ADAMTS17: variants seen among roughly 807,000 people sequenced by gnomAD.
ADAMTS17 encodes the protein ADAM metallopeptidase with thrombospondin type 1 motif 17, also known as A disintegrin and metalloproteinase with thrombospondin motifs 17.
A neutral mutation model predicts 141.5 loss-of-function variants in ADAMTS17; 113 were observed. That is an observed-to-expected ratio of 0.80 (90% CI 0.69 to 0.93). The LOEUF (loss-of-function observed/expected upper bound fraction) is 0.93. Ranked by LOEUF, ADAMTS17 falls within the 40% of genes least tolerant of loss-of-function variation. ADAMTS17 has a pLI of 0.00. For synonymous variants in ADAMTS17, 768 were observed against 630.6 expected (o/e 1.22, Z -3.27); for missense variants, 1,659 against 1,517.9 (o/e 1.09, Z -1.54).
chr15:99,979,862 A>G (rs1161097719), intron 20 of ADAMTS17: 2 of 152,258 alleles, frequency 1.3e-5, no homozygotes, highest in African/African-American at 2.4e-5. Context: ...AACTACATCA[A>G]TAAGTTACTT....
At chr15:100,108,876 G>A (rs575721283) in intron 14 of ADAMTS17, 113 bp downstream of exon 14, 2 of 1,579,184 alleles carry the variant, frequency 1.3e-6, no homozygotes, top group African/African-American at 1.3e-5. Context: ...GCCTTCCTAA[G>A]AAAATCCACT....
chr15:100,039,247 T>A (rs2031032925), intron 18 of ADAMTS17, among the ~76,000 whole-genome samples: 1 of 152,354 alleles, frequency 6.6e-6, no homozygotes, highest in East Asian at 1.9e-4. Context: ...ATTTCATTTA[T>A]TTCTGCATGA....
chr15:100,150,002 A>G (rs1321681447), intron 10 of ADAMTS17, among the ~76,000 whole-genome samples: 1 of 151,842 alleles, frequency 6.6e-6, no homozygotes, highest in African/African-American at 2.4e-5. Context: ...TCATTCCATC[A>G]CTCCCCTAAG....
Position 100,029,413 on chromosome 15 carries a change from A to G in ADAMTS17, c.2591+19444T>C, listed in dbSNP as rs1365465726. ...CAAACCTTCCTGCTTTGTAAGAAATAAAGTCAGGGTGATGAGTCCTTTCAT... is the reference window on the plus strand; with the variant it reads ...CAAACCTTCCTGCTTTGTAAGAAATGAAGTCAGGGTGATGAGTCCTTTCAT... On this transcript the variant is annotated intron_variant, in intron 18 of 21. Transcript: ENST00000268070. Among the ~76,000 whole-genome samples, 4 of 152,224 alleles carry G rather than the reference A, an allele frequency of 2.6e-5. No homozygotes were observed. The East Asian group carries it at 5.8e-4, about 22-fold the overall frequency.
chr15:100,205,343 C>G (rs889777462), intron 7 of ADAMTS17, among the ~76,000 whole-genome samples: 2 of 152,296 alleles, frequency 1.3e-5, no homozygotes, highest in African/African-American at 4.8e-5. Context: ...TTTATGCCAA[C>G]AGTTTGCTGC....
rs2043518718 is a variant in ADAMTS17, at chr15:100,261,585, GAC to G, written c.923_924del (p.Cys308SerfsTer16). The G allele has an allele frequency of 6.2e-7, 1 of 1,614,032 alleles. No homozygotes were observed. The highest frequency in any genetic ancestry group is 1.3e-5 in the African/African-American group (1 of 74,920). ...HHGERSLESFCHWQNEEYGGA... is the reference protein window; with the variant it reads ...HHGERSLESFXHWQNEEYGGA... ...CCTCCATACTCCTCGTTCTGCCAGT[GAC>G]AGAAGCTCTCCAGGGACCGCTCACC... On this transcript the variant is annotated frameshift_variant, in exon 6 of 22. Transcript: ENST00000268070. LOFTEE classifies it high-confidence loss of function.
chr15:100,178,112 A>C (rs1416332087), intron 8 of ADAMTS17, among the ~76,000 whole-genome samples: 2 of 152,142 alleles, frequency 1.3e-5, no homozygotes, highest in African/African-American at 4.8e-5. Flanking sequence ...TCACATTTTT[A>C]AATCCATTCT....
chr15:100,031,463 C>T (rs2030157419), intron 18 of ADAMTS17, among the ~76,000 whole-genome samples: 1 of 152,114 alleles, frequency 6.6e-6, no homozygotes, highest in Admixed American at 6.5e-5. Flanking sequence ...ATGGGTAGGA[C>T]ACAGCATGGG....
In ADAMTS17 at chr15:100,031,022, G is replaced by A. The variant is rs563466898; in HGVS notation, c.2591+17835C>T. ...GCTGGCGTTCACGGAGTGCTGACTC[G>A]GGGTGAAGGAATTTATAGGCATTAC... On this transcript the variant is annotated intron_variant, in intron 18 of 21. Transcript: ENST00000268070. Among the ~76,000 whole-genome samples, 56 of 152,264 alleles carry A rather than the reference G, an allele frequency of 3.7e-4. 1 individual carries two copies. The South Asian group carries it at 0.011, about 31-fold the overall frequency.
Position 100,341,145 on chromosome 15 carries a change from G to T in ADAMTS17, c.344C>A (p.Ala115Asp). The change falls in exon 2 of 22, where the codon GCC (alanine) becomes GAC (aspartate). Residue 115 changes from alanine to aspartate, a missense_variant. Transcript: ENST00000268070. ...RGFEVEEAGA[A>D]RRRGRPAELC... is the part of the protein sequence containing the mutation. ...CTCGGCGGGGCGGCCGCGGCGCCGG[G>T]CCGCGCCCGCCTCCTCCACCTCGAA... The T allele has an allele frequency of 6.9e-7, 1 of 1,444,666 alleles. No individual in the cohort carries two copies. Among genetic ancestry groups the T allele is most frequent in the East Asian group, 3.0e-5 (1 of 33,130 alleles). The allele number at this position is 1,444,666 out of a possible 1,614,324, so 89.5% of individuals were successfully genotyped here.
Position 100,094,026 on chromosome 15 carries a change from T to G in ADAMTS17, c.2137+2330A>C, listed in dbSNP as rs183227563. ...GCAAATGAGTACTGCAGGCAGATTTTCAATATATACAATCCACATGGATGT... is the reference window on the plus strand; with the variant it reads ...GCAAATGAGTACTGCAGGCAGATTTGCAATATATACAATCCACATGGATGT... On this transcript the variant is annotated intron_variant, in intron 15 of 21. Coordinates refer to ENST00000268070, the MANE Select transcript of ADAMTS17 (RefSeq NM_139057.4). 4.0e-4 allele frequency among the ~76,000 whole-genome samples: 61 copies of G among 151,906 alleles called. 1 individual carries two copies. Among genetic ancestry groups the G allele is most frequent in the Admixed American group, 4.0e-3 (61 of 15,220 alleles).
intron 13 of ADAMTS17, among the ~76,000 whole-genome samples, chr15:100,115,335 C>G (rs1425825212): frequency 1.3e-5 from 2 of 152,188 alleles, no homozygotes. Context: ...GCAGGTCTCC[C>G]CTCTCCCTCA....
At chr15:100,103,452 A>G (rs2036239496) in intron 14 of ADAMTS17, among the ~76,000 whole-genome samples, 1 of 152,174 alleles carries the variant, frequency 6.6e-6, no homozygotes, top group Admixed American at 6.5e-5. Flanking sequence ...CTCACAGATG[A>G]TCTTTGGACA....
At chr15:100,291,100 T>C (rs1291700752) in intron 3 of ADAMTS17, among the ~76,000 whole-genome samples, 4 of 152,198 alleles carry the variant, frequency 2.6e-5, no homozygotes, top group Admixed American at 6.5e-5. Flanking sequence ...TTGCAAACTA[T>C]GTATCTGACA....
intron 7 of ADAMTS17, among the ~76,000 whole-genome samples, chr15:100,213,327 G>A (rs1012332607): frequency 2.0e-5 from 3 of 152,120 alleles, no homozygotes; most frequent in African/African-American, 7.2e-5. Context: ...GTTGATAAGA[G>A]GAAAAACATG....
intron 3 of ADAMTS17, among the ~76,000 whole-genome samples, chr15:100,299,862 C>T (rs909893414): frequency 2.6e-5 from 4 of 152,156 alleles, no homozygotes; most frequent in Non-Finnish European, 5.9e-5. Flanking sequence ...GCACACCCTA[C>T]GGGGGCCTGA....
chr15:100,271,909 G>C (rs1054599314), intron 4 of ADAMTS17, among the ~76,000 whole-genome samples: 4 of 152,084 alleles, frequency 2.6e-5, no homozygotes, highest in Non-Finnish European at 5.9e-5. Context: ...GTTAGGTAAG[G>C]ATCCAACTTT....
chr15:100,049,303 T>C (rs561998990), intron 17 of ADAMTS17, among the ~76,000 whole-genome samples: 10 of 152,324 alleles, frequency 6.6e-5, no homozygotes, highest in Admixed American at 4.6e-4. Flanking sequence ...TTTCCAAAGA[T>C]TGCTCATCTT....
At chr15:100,110,023 C>T (rs1179645426) in intron 13 of ADAMTS17, among the ~76,000 whole-genome samples, 1 of 151,882 alleles carries the variant, frequency 6.6e-6, no homozygotes, top group African/African-American at 2.4e-5. Context: ...GGTCCCATCG[C>T]TAAAAGAGTG....
Sources: gnomAD v4.1 joint callset for allele counts (sites outside exome capture counted in the v4.1 genomes callset) on GRCh38, gnomAD v4.1.1 for gene constraint, MANE v1.5 for transcripts, NCBI Gene and HGNC (gene_info 2026-07-23, HGNC 2026-07-21) for gene names.